Variants in PACRG observed in about 807,000 individuals in gnomAD.
The protein encoded by PACRG is parkin coregulated gene protein.
A neutral mutation model predicts 29.7 loss-of-function variants in PACRG; 29 were observed. That is an observed-to-expected ratio of 0.98 (90% CI 0.73 to 1.33). The LOEUF is 1.33. PACRG is among the 40% of genes most tolerant of loss of function. PACRG has a pLI of 0.00. For missense variants in PACRG, 279 were observed against 316.2 expected (o/e 0.88, Z 0.89); for synonymous variants, 116 against 118.7 (o/e 0.98, Z 0.15).
At chr6:163,168,004 GTTTGT>G (rs1052957959) in intron 4 of PACRG, among the ~76,000 whole-genome samples, 2 of 152,256 alleles carry the variant, frequency 1.3e-5, no homozygotes, top group African/African-American at 4.8e-5. Flanking sequence ...TTGCTGCGGT[GTTTGT>G]TTTATCAATT....
chr6:163,065,934 T>C (rs1157744535), intron 3 of PACRG, among the ~76,000 whole-genome samples: 1 of 152,062 alleles, frequency 6.6e-6, no homozygotes, highest in Non-Finnish European at 1.5e-5. Context: ...AGATATTAAA[T>C]TGGAGGACAT....
intron 2 of PACRG, among the ~76,000 whole-genome samples, chr6:162,894,577 A>T (rs533363960): frequency 6.6e-6 from 1 of 152,330 alleles, no homozygotes; most frequent in South Asian, 2.1e-4. Flanking sequence ...ACTGTCTACA[A>T]ATGAAAATCA....
chr6:162,987,944 G>C (rs1484374507), intron 2 of PACRG, among the ~76,000 whole-genome samples: 5 of 152,182 alleles, frequency 3.3e-5, no homozygotes, highest in Non-Finnish European at 7.3e-5. Flanking sequence ...CCTTGGAGCA[G>C]GGTTATTATG....
At chr6:163,279,047 T>C (rs1784144381) in intron 4 of PACRG, among the ~76,000 whole-genome samples, 1 of 152,208 alleles carries the variant, frequency 6.6e-6, no homozygotes, top group South Asian at 2.1e-4. Context: ...AGGTCTTTCA[T>C]GTCCTTGGTT....
intron 4 of PACRG, chr6:163,170,410 T>C (rs1434896634): frequency 6.6e-6 from 1 of 152,148 alleles, no homozygotes; most frequent in African/African-American, 2.4e-5. Context: ...TCACCCCTGC[T>C]GAACATCAGA....
chr6:162,913,792 C>G (rs1327927785), intron 2 of PACRG, among the ~76,000 whole-genome samples: 2 of 152,128 alleles, frequency 1.3e-5, no homozygotes, highest in African/African-American at 2.4e-5. Context: ...TCCTTGATGA[C>G]TAACAATATT....
intron 2 of PACRG, among the ~76,000 whole-genome samples, chr6:162,975,634 A>C (rs2128165012): frequency 6.6e-6 from 1 of 152,202 alleles, no homozygotes; most frequent in Non-Finnish European, 1.5e-5. Flanking sequence ...TTTTTCTCTT[A>C]GTTACCCAAT....
chr6:162,805,196 G>A (rs1020804096), intron 1 of PACRG, among the ~76,000 whole-genome samples: 1 of 152,130 alleles, frequency 6.6e-6, no homozygotes, highest in African/African-American at 2.4e-5. Flanking sequence ...CGACCTTGGA[G>A]ATATCACAGA....
chr6:163,082,448 G>T (rs1813170600), intron 3 of PACRG, among the ~76,000 whole-genome samples: 1 of 152,150 alleles, frequency 6.6e-6, no homozygotes, highest in African/African-American at 2.4e-5. Flanking sequence ...ATGAGAAATA[G>T]ATTGAATTCT....
chr6:163,065,903 G>A (rs552023554), intron 3 of PACRG, among the ~76,000 whole-genome samples: 2 of 152,276 alleles, frequency 1.3e-5, no homozygotes, highest in Admixed American at 1.3e-4. Context: ...AAAGACAAGT[G>A]TATAAAAATA....
Position 163,127,989 on chromosome 6 carries a change from G to T in PACRG, c.613+38581G>T, listed in dbSNP as rs190948589. Among the ~76,000 whole-genome samples the T allele has an allele frequency of 2.0e-5, 3 of 152,194 alleles. No individual in the cohort carries two copies. In the East Asian group the frequency reaches 5.8e-4, roughly 29 times the overall value. On this transcript the variant is annotated intron_variant, in intron 4 of 4. Transcript: ENST00000366888. Reference sequence around the variant, plus strand: ...TATGTATTTTTAAAGGTATTTCTTTGTTCCTTGATTGTGGTTTATTATTTT... The same window carrying T: ...TATGTATTTTTAAAGGTATTTCTTTTTTCCTTGATTGTGGTTTATTATTTT...
At chr6:163,278,058 G>A (rs999275158) in intron 4 of PACRG, among the ~76,000 whole-genome samples, 1 of 151,978 alleles carries the variant, frequency 6.6e-6, no homozygotes, top group Non-Finnish European at 1.5e-5. Context: ...ATTGCATTGT[G>A]GTTTTGATTT....
intron 4 of PACRG, among the ~76,000 whole-genome samples, chr6:163,111,666 A>C (rs1303403995): frequency 1.3e-5 from 2 of 152,186 alleles, no homozygotes; most frequent in Non-Finnish European, 2.9e-5. Context: ...TTAATGTGTC[A>C]TTGTTATAGA....
At chr6:163,180,174 T>C (rs1779586231) in intron 4 of PACRG, among the ~76,000 whole-genome samples, 1 of 152,258 alleles carries the variant, frequency 6.6e-6, no homozygotes, top group South Asian at 2.1e-4. Context: ...TTTAAGAGAC[T>C]GAGCTTTGTG....
intron 2 of PACRG, among the ~76,000 whole-genome samples, chr6:162,837,147 T>C (rs1562647146): frequency 6.6e-6 from 1 of 152,142 alleles, no homozygotes; most frequent in Non-Finnish European, 1.5e-5. Context: ...TGAGGGGCCC[T>C]GAATGACAAT....
At chr6:162,912,965 G>A (rs568888048) in intron 2 of PACRG, among the ~76,000 whole-genome samples, 3 of 151,800 alleles carry the variant, frequency 2.0e-5, no homozygotes, top group Non-Finnish European at 4.4e-5. Context: ...CTACCATTGG[G>A]GATAAGCTCA....
intron 2 of PACRG, among the ~76,000 whole-genome samples, chr6:162,941,016 G>A (rs923376824): frequency 1.3e-4 from 19 of 150,640 alleles, no homozygotes; most frequent in African/African-American, 2.7e-4. Flanking sequence ...GTGTGTGTGC[G>A]CGTGTGTGTT....
intron 1 of PACRG, among the ~76,000 whole-genome samples, chr6:162,785,142 G>C (rs1784363507): frequency 1.3e-5 from 2 of 148,266 alleles, no homozygotes; most frequent in Non-Finnish European, 3.0e-5. Flanking sequence ...CAATTACATT[G>C]ACAAAGAAAG....
intron 4 of PACRG, among the ~76,000 whole-genome samples, chr6:163,248,260 C>T (rs1782767491): frequency 2.6e-5 from 4 of 152,180 alleles, no homozygotes; most frequent in South Asian, 2.1e-4. Context: ...ATTCAGCTGT[C>T]GCTGAGAATC....
Sources: gnomAD v4.1 joint callset for allele counts (sites outside exome capture counted in the v4.1 genomes callset) on GRCh38, gnomAD v4.1.1 for gene constraint, MANE v1.5 for transcripts, NCBI Gene and HGNC (gene_info 2026-07-23, HGNC 2026-07-21) for gene names.